The following PLD5 variants were observed in gnomAD, a reference collection of about 807,000 sequenced individuals.
PLD5 encodes the protein inactive phospholipase D5.
PLD5 carries 36 observed loss-of-function variants against 61.1 expected under a neutral mutation model. The ratio of observed to expected loss-of-function variants is 0.59; its 90% CI spans 0.45 to 0.78. The LOEUF is 0.78. PLD5 is among the 30% of genes least tolerant of loss of function. The pLI is 0.00. For synonymous variants in PLD5, 243 were observed against 242.8 expected (o/e 1.00, Z -0.01); for missense variants, 515 against 644.4 (o/e 0.80, Z 2.17).
intron 1 of PLD5, among the ~76,000 whole-genome samples, chr1:242,376,435 T>G (rs1370231011): frequency 6.6e-6 from 1 of 152,206 alleles, no homozygotes; most frequent in Admixed American, 6.5e-5. Context: ...AAGTTCCTAG[T>G]GTTTTTGAGA....
intron 1 of PLD5, among the ~76,000 whole-genome samples, chr1:242,420,364 G>A (rs73133746): frequency 0.033 from 5,083 of 152,030 alleles, 297 homozygotes; most frequent in African/African-American, 0.11. Context: ...TTTCTGGTAG[G>A]CAAAGTCAGC....
chr1:242,502,778 G>A lies in PLD5; in HGVS notation c.189+21310C>T, dbSNP rs191584499. On this transcript the variant is annotated intron_variant, in intron 1 of 9. Coordinates refer to ENST00000536534, the MANE Select transcript of PLD5 (RefSeq NM_001372062.1). Reference sequence around the variant, plus strand: ...AGAAGTTGTAAAACAGAGTCCTGTGGGGCCGGGTGCAGTGGCTCACGCCTG... The same window carrying A: ...AGAAGTTGTAAAACAGAGTCCTGTGAGGCCGGGTGCAGTGGCTCACGCCTG... Among the ~76,000 whole-genome samples, 463 of 152,132 alleles carry A rather than the reference G, an allele frequency of 3.0e-3. 3 individuals are homozygous for A. The highest frequency in any genetic ancestry group is 0.011 in the African/African-American group (441 of 41,514).
chr1:242,186,103 A>T (rs1013143194), intron 5 of PLD5, among the ~76,000 whole-genome samples: 2 of 152,112 alleles, frequency 1.3e-5, no homozygotes, highest in Non-Finnish European at 2.9e-5. Context: ...CAATTTTAAT[A>T]TATTGGTTGC....
rs539820040 is a variant in PLD5, at chr1:242,426,590, G to A, written c.190-78348C>T. ...GTTTTTCAGCCCACTACGATCTTAC[G>A]GGACTGATATCATACATGTGCTCTG... is the stretch of plus-strand genomic sequence containing the variant. On this transcript the variant is annotated intron_variant, in intron 1 of 9. Transcript: ENST00000536534. Among the ~76,000 whole-genome samples, 57 of 152,230 alleles carry A rather than the reference G, an allele frequency of 3.7e-4. No individual in the cohort carries two copies. In the Middle Eastern group the frequency reaches 0.014, roughly 36 times the overall value.
chr1:242,351,440 C>T (rs10926695), intron 1 of PLD5, among the ~76,000 whole-genome samples: 13 of 151,952 alleles, frequency 8.6e-5, no homozygotes, highest in Admixed American at 3.9e-4. Flanking sequence ...TCATGGGGGT[C>T]GGTTTTTCCC....
At chr1:242,359,626 G>A (rs567685459) in intron 1 of PLD5, among the ~76,000 whole-genome samples, 3 of 152,292 alleles carry the variant, frequency 2.0e-5, no homozygotes, top group Non-Finnish European at 4.4e-5. Flanking sequence ...GGCTCAGGCT[G>A]CAAAATAAGG....
At position 242,241,266 on chromosome 1, in the gene PLD5, G is replaced by C. The variant is rs550003294; in HGVS notation, c.608-21151C>G. Among the ~76,000 whole-genome samples, 7 of 152,212 alleles carry C rather than the reference G, an allele frequency of 4.6e-5. No homozygotes were observed. In the South Asian group the frequency reaches 1.5e-3, roughly 32 times the overall value. ...TCACCCGCTAGACAAAGATTGTGTAGGGTAGAAAACCCTGAGGTTACATGA... is the reference window on the plus strand; with the variant it reads ...TCACCCGCTAGACAAAGATTGTGTACGGTAGAAAACCCTGAGGTTACATGA... On this transcript the variant is annotated intron_variant, in intron 4 of 9. Transcript: ENST00000536534.
chr1:242,373,702 A>T (rs1661782510), intron 1 of PLD5, among the ~76,000 whole-genome samples: 1 of 152,186 alleles, frequency 6.6e-6, no homozygotes. Context: ...TCGCAAGGAC[A>T]GAAAACCAAA....
At chr1:242,123,731 G>A (rs1357248877) in intron 6 of PLD5, among the ~76,000 whole-genome samples, 1 of 152,164 alleles carries the variant, frequency 6.6e-6, no homozygotes, top group African/African-American at 2.4e-5. Context: ...TGAACAAAAC[G>A]ATGTTATTGA....
chr1:242,276,815 A>G (rs1325872447), intron 3 of PLD5, among the ~76,000 whole-genome samples: 1 of 152,034 alleles, frequency 6.6e-6, no homozygotes, highest in Non-Finnish European at 1.5e-5. Context: ...CTGCCTGTCC[A>G]TTCATCATAA....
At chr1:242,190,031 C>T (rs77861411) in intron 5 of PLD5, among the ~76,000 whole-genome samples, 2,579 of 151,570 alleles carry the variant, frequency 0.017, 88 homozygotes, top group African/African-American at 0.06. Flanking sequence ...CAGAGCTCTC[C>T]GTGGTCTCCC....
chr1:242,436,535 G>A (rs566274382), intron 1 of PLD5, among the ~76,000 whole-genome samples: 1 of 152,190 alleles, frequency 6.6e-6, no homozygotes, highest in East Asian at 1.9e-4. Flanking sequence ...AAAGACAATA[G>A]CTCAAATCCA....
chr1:242,421,984 G>T (rs758557279), intron 1 of PLD5, among the ~76,000 whole-genome samples: 2 of 152,066 alleles, frequency 1.3e-5, no homozygotes, highest in Non-Finnish European at 2.9e-5. Context: ...TTCAAATGAA[G>T]AAAAGAGAAG....
intron 5 of PLD5, among the ~76,000 whole-genome samples, chr1:242,187,774 G>A (rs1667998093): frequency 6.6e-6 from 1 of 152,298 alleles, no homozygotes; most frequent in Non-Finnish European, 1.5e-5. Context: ...CAGTATGAGA[G>A]GGGAAAGAAT....
intron 4 of PLD5, among the ~76,000 whole-genome samples, chr1:242,260,474 T>TA (rs200920196): frequency 0.018 from 2,734 of 152,312 alleles, 66 homozygotes; most frequent in African/African-American, 0.062. Flanking sequence ...ACATCTCATT[T>TA]AGCTTGTTTG....
chr1:242,211,160 A>G (rs981742312), intron 5 of PLD5, among the ~76,000 whole-genome samples: 3 of 152,224 alleles, frequency 2.0e-5, no homozygotes, highest in East Asian at 3.8e-4. Flanking sequence ...ACAACCTTCT[A>G]TTAGAAGAAG....
At chr1:242,113,710 C>G (rs1574321940) in intron 7 of PLD5, among the ~76,000 whole-genome samples, 180 bp downstream of exon 7, 1 of 152,322 alleles carries the variant, frequency 6.6e-6, no homozygotes, top group East Asian at 1.9e-4. Context: ...AATGGACCCA[C>G]TTTGGGAAAA....
chr1:242,248,833 C>T (rs894215243), intron 4 of PLD5, among the ~76,000 whole-genome samples: 7 of 152,080 alleles, frequency 4.6e-5, no homozygotes, highest in African/African-American at 1.7e-4. Context: ...GAAGATGTTC[C>T]CTCCAAAATT....
intron 1 of PLD5, among the ~76,000 whole-genome samples, chr1:242,518,181 T>G (rs1486240928): frequency 6.6e-6 from 1 of 152,238 alleles, no homozygotes; most frequent in Non-Finnish European, 1.5e-5. Flanking sequence ...TGCCTCATTC[T>G]TCACTTAACT....
Sources: gnomAD v4.1 joint callset for allele counts (sites outside exome capture counted in the v4.1 genomes callset) on GRCh38, gnomAD v4.1.1 for gene constraint, MANE v1.5 for transcripts, NCBI Gene and HGNC (gene_info 2026-07-23, HGNC 2026-07-21) for gene names.